OGT: variants seen among roughly 807,000 people sequenced by gnomAD.
OGT encodes O-linked N-acetylglucosamine (GlcNAc) transferase, also known as UDP-N-acetylglucosamine--peptide N-acetylglucosaminyltransferase 110 kDa subunit.
OGT carries 3 observed loss-of-function variants against 75.8 expected under a neutral mutation model. The observed-to-expected ratio is 0.04, with a 90% CI of 0.02 to 0.10. The LOEUF (loss-of-function observed/expected upper bound fraction) is 0.10. OGT is among the 10% of genes least tolerant of loss of function. The probability of loss-of-function intolerance (pLI) is 1.00; values close to 1 mark genes in which losing one functional copy is unlikely to be tolerated. For synonymous variants in OGT, 257 were observed against 289.7 expected (o/e 0.89, Z 1.15); for missense variants, 260 against 824.4 (o/e 0.32, Z 8.38).
At chrX:71,563,045 A>G in intron 16 of OGT, 28 bp downstream of exon 16, 1 of 1,195,257 alleles carries the variant, frequency 8.4e-7, no homozygotes, top group Admixed American at 2.2e-5. Context: ...CTATGGACGA[A>G]TTTCAAAGAA....
rs770849869 is a variant in OGT at position 71,559,326 on chromosome X, T to C, written c.1662T>C (p.Gly554=). The C allele has an allele frequency of 3.3e-6, 4 of 1,210,466 alleles. No individual in the cohort carries two copies. The Admixed American group carries it at 8.7e-5, about 26-fold the overall frequency. The part of the protein sequence containing the change: ...EHPKDLKLSD[G]RLRVGYVSSD... ...CAAAAGACTTGAAGCTCAGTGATGG[T>C]CGGCTGCGTGTAGGATATGTGAGTT... Residue 554 remains glycine (G), a synonymous_variant, in exon 13 of 22, where the codon GGT becomes GGC. Transcript: ENST00000373719.
chrX:71,571,737 T>C, intron 21 of OGT, among the ~76,000 whole-genome samples: 1 of 110,704 alleles, frequency 9.0e-6, no homozygotes, highest in East Asian at 2.8e-4. Flanking sequence ...TACAGTGAAA[T>C]ACACAAATAT....
At position 71,544,559 on chromosome X, in the gene OGT, G is replaced by A. The variant is rs377516011; in HGVS notation, c.463-8G>A. 8.3e-7 allele frequency: 1 copy of A among 1,206,649 alleles called. No individual in the cohort carries two copies. The highest frequency in any genetic ancestry group is 1.1e-6 in the Non-Finnish European group (1 of 891,599). On this transcript the variant is annotated splice_region_variant and splice_polypyrimidine_tract_variant and intron_variant, in intron 3 of 21. Transcript: ENST00000373719. ...GTATAATTAATGACAGCGTCTCTGG[G>A]TTTCTAGGATTTGTACTGTGTTCGC...
intron 1 of OGT, 31 bp downstream of exon 1, chrX:71,533,367 G>A: frequency 1.7e-6 from 2 of 1,167,062 alleles, no homozygotes; most frequent in Non-Finnish European, 2.3e-6. Flanking sequence ...CTTGGCAGAT[G>A]CCCCCTTGGG....
chrX:71,570,577 G>A (rs1028841448), intron 21 of OGT, among the ~76,000 whole-genome samples: 3 of 111,548 alleles, frequency 2.7e-5, no homozygotes, highest in Non-Finnish European at 5.6e-5. Flanking sequence ...CTACTTTGCA[G>A]AGATGATGTG....
At chrX:71,554,718 GC>G in intron 6 of OGT, 126 bp downstream of exon 6, 1 of 471,002 alleles carries the variant, frequency 2.1e-6, no homozygotes, top group Middle Eastern at 6.0e-4. Context: ...GTTGTTCTCT[GC>G]CCATGTCCTG....
chrX:71,564,569 T>TA (rs1157725653), intron 18 of OGT, 32 bp from the exon 19 acceptor site: 1 of 1,169,934 alleles, frequency 8.5e-7, no homozygotes, highest in Non-Finnish European at 1.2e-6. Context: ...CTTTTGCCTT[T>TA]AAATATAACC....
chrX:71,534,598 C>G, intron 1 of OGT, among the ~76,000 whole-genome samples: 1 of 110,805 alleles, frequency 9.0e-6, no homozygotes, highest in East Asian at 2.8e-4. Flanking sequence ...GTGTCTTATC[C>G]GTAATTGTAG....
At position 71,563,347 on chromosome X, in the gene OGT, G is replaced by A. The variant is rs760156553; in HGVS notation, c.2284G>A (p.Gly762Arg). 5.0e-6 allele frequency: 6 copies of A among 1,206,606 alleles called. No individual in the cohort carries two copies. Among genetic ancestry groups the A allele is most frequent in the Non-Finnish European group, 6.7e-6 (6 of 893,166 alleles). ...TTTTCAGATGAAGTGTCCTGATGGA[G>A]GAGACAATGCAGATAGCAGTAACAC... ...KIVKMKCPDGGDNADSSNTAL... is the reference protein window; with the variant it reads ...KIVKMKCPDGRDNADSSNTAL... Residue 762 changes from glycine (G) to arginine (R), a missense_variant, in exon 18 of 22, where the codon GGA becomes AGA. Around this residue, in one of 6 missense-constraint regions of OGT, gnomAD observed 79 missense variants for 141.0 expected, o/e 0.56. Coordinates refer to ENST00000373719, the MANE Select transcript of OGT (RefSeq NM_181672.3).
chrX:71,559,611 A>C lies in OGT; in HGVS notation c.1785A>C (p.Pro595=). Residue 595 remains proline (P), a synonymous_variant, in exon 14 of 22, where the codon CCA becomes CCC. Transcript: ENST00000373719. ...AGGTGTTCTGTTATGCCCTGAGCCC[A>C]GACGATGGCACAAACTTCCGAGTGA... The part of the protein sequence containing the change: ...KFEVFCYALS[P]DDGTNFRVKV... 8.3e-7 allele frequency: 1 copy of C among 1,211,098 alleles called. No individual in the cohort carries two copies. Among genetic ancestry groups the C allele is most frequent in the Non-Finnish European group, 1.1e-6 (1 of 894,746 alleles).
In OGT at chrX:71,546,237, G is replaced by A. The variant is rs758879723; in HGVS notation, c.531+1602G>A. ...CTTGAGACTGTCCTCATTCCCATAT[G>A]TAATAGACATCCAAAGAATTTCAAT... On this transcript the variant is annotated intron_variant, in intron 4 of 21. Transcript: ENST00000373719. 2.3e-5 allele frequency: 17 copies of A among 751,625 alleles called. No homozygotes were observed. The South Asian group carries it at 8.2e-4, about 36-fold the overall frequency. The allele number at this position is 751,625 out of a possible 1,213,427, so 61.9% of individuals were successfully genotyped here.
chrX:71,543,333 A>G (rs1468726115), intron 3 of OGT, among the ~76,000 whole-genome samples: 2 of 111,577 alleles, frequency 1.8e-5, no homozygotes, highest in African/African-American at 6.5e-5. Flanking sequence ...GTGACTGACA[A>G]TGGCAAAATA....
At chrX:71,570,032 C>CT (rs1569431506) in intron 21 of OGT, among the ~76,000 whole-genome samples, 1 of 52,393 alleles carries the variant, frequency 1.9e-5, no homozygotes, top group Admixed American at 2.9e-4. Flanking sequence ...CTGTGCCTGG[C>CT]GTTTTTTTTT....
intron 21 of OGT, among the ~76,000 whole-genome samples, chrX:71,570,586 T>C (rs1222163041): frequency 1.8e-5 from 2 of 111,440 alleles, no homozygotes; most frequent in Non-Finnish European, 3.8e-5. Flanking sequence ...AGAGATGATG[T>C]GAGGATTAAA....
intron 3 of OGT, among the ~76,000 whole-genome samples, chrX:71,543,579 C>CA (rs1300501971): frequency 1.6e-3 from 172 of 109,988 alleles, no homozygotes; most frequent in Non-Finnish European, 3.0e-3. Flanking sequence ...GAAATGAAGT[C>CA]AGAGTTTCTA....
chrX:71,548,536 G>A (rs1345795073), intron 5 of OGT, among the ~76,000 whole-genome samples: 2 of 112,066 alleles, frequency 1.8e-5, no homozygotes, highest in Admixed American at 1.9e-4. Context: ...GCCCATCAAC[G>A]GTGGGCTAAA....
intron 4 of OGT, chrX:71,547,654 T>C: frequency 2.0e-6 from 2 of 1,007,534 alleles, no homozygotes; most frequent in Non-Finnish European, 2.5e-6. Flanking sequence ...TGGTCTTTGG[T>C]TGGCAGAACT....
intron 21 of OGT, among the ~76,000 whole-genome samples, chrX:71,570,840 G>A (rs1319099441): frequency 1.8e-5 from 2 of 111,149 alleles, no homozygotes; most frequent in African/African-American, 6.6e-5. Flanking sequence ...GTTAACTCAG[G>A]CTGGAGTGCA....
intron 3 of OGT, among the ~76,000 whole-genome samples, chrX:71,541,531 A>G (rs990810737): frequency 3.6e-5 from 4 of 111,536 alleles, no homozygotes; most frequent in Admixed American, 2.9e-4. Context: ...AGTTCCTTGG[A>G]TGATAATTGT....
Sources: allele counts gnomAD v4.1 joint callset (sites outside exome capture counted in the v4.1 genomes callset), GRCh38; gene constraint gnomAD v4.1.1; regional missense constraint gnomAD v4.1.1; transcripts MANE v1.5; gene names NCBI Gene and HGNC (gene_info 2026-07-23, HGNC 2026-07-21).